The following CACNA2D3 variants were observed in gnomAD, a reference collection of about 807,000 sequenced individuals.
The protein encoded by CACNA2D3 is voltage-dependent calcium channel subunit alpha-2/delta-3.
Under a neutral mutation model 160.6 loss-of-function variants are expected in CACNA2D3, and 60 were observed. That is an observed-to-expected ratio of 0.37 (90% CI 0.30 to 0.46). CACNA2D3 has a LOEUF of 0.46. Ranked by LOEUF, CACNA2D3 falls within the 20% of genes least tolerant of loss-of-function variation. The pLI is 1.00. For missense variants in CACNA2D3, 1,205 were observed against 1,365.0 expected (o/e 0.88, Z 1.85); for synonymous variants, 558 against 492.9 (o/e 1.13, Z -1.75).
chr3:55,006,298 A>T (rs1703092027), intron 32 of CACNA2D3, among the ~76,000 whole-genome samples: 1 of 152,166 alleles, frequency 6.6e-6, no homozygotes, highest in South Asian at 2.1e-4. Flanking sequence ...GGAATGCCTG[A>T]GTGCCTTCCC....
chr3:54,789,892 G>T (rs1702715609), intron 13 of CACNA2D3: 1 of 516,536 alleles, frequency 1.9e-6, no homozygotes, highest in Non-Finnish European at 3.9e-6. Context: ...GACACAGGCT[G>T]TTTCAGGGGT....
chr3:54,811,506 T>A lies in CACNA2D3; in HGVS notation c.1381-5347T>A, dbSNP rs1220211927. On this transcript the variant is annotated intron_variant, in intron 13 of 37. Coordinates refer to ENST00000474759, the MANE Select transcript of CACNA2D3 (RefSeq NM_018398.3). ...TTTTTTTTTTTTTTTTTTTTTTTTT[T>A]TTTTTTTTTGAGACAGCATCTCACT... Among the ~76,000 whole-genome samples, 56 of 57,176 alleles carry A rather than the reference T, an allele frequency of 9.8e-4. 5 individuals carry two copies. Among genetic ancestry groups the A allele is most frequent in the Admixed American group, 3.0e-3 (14 of 4,688 alleles). The allele number at this position is 57,176 out of a possible 152,430, so 37.5% of individuals were successfully genotyped here. A position where few individuals can be genotyped will look rare whatever the true frequency, so the allele number is the denominator to read the frequency against.
At chr3:54,768,391 G>C (rs1702259712) in intron 13 of CACNA2D3, among the ~76,000 whole-genome samples, 1 of 152,198 alleles carries the variant, frequency 6.6e-6, no homozygotes, top group Admixed American at 6.5e-5. Context: ...TCATGAAGCA[G>C]ATACAGCTTT....
chr3:55,064,476 G>A (rs1265696130), intron 35 of CACNA2D3, among the ~76,000 whole-genome samples: 1 of 152,112 alleles, frequency 6.6e-6, no homozygotes, highest in East Asian at 1.9e-4. Flanking sequence ...AACACCCTGG[G>A]GAGATGGAGG....
rs371787328 is a variant in CACNA2D3, at chr3:54,537,610, A to G, written c.545-25190A>G. 3.9e-5 allele frequency among the ~76,000 whole-genome samples: 6 copies of G among 152,176 alleles called. No homozygotes were observed. The East Asian group carries it at 1.2e-3, about 30-fold the overall frequency. ...CACCATTTCTACTGAGTTATCCCTGATACTCAGGTCACAGTGGGAAGAAGA... is the reference window on the plus strand; with the variant it reads ...CACCATTTCTACTGAGTTATCCCTGGTACTCAGGTCACAGTGGGAAGAAGA... On this transcript the variant is annotated intron_variant, in intron 5 of 37. Transcript: ENST00000474759.
At chr3:54,522,973 C>T (rs905327208) in intron 5 of CACNA2D3, among the ~76,000 whole-genome samples, 4 of 151,832 alleles carry the variant, frequency 2.6e-5, no homozygotes, top group African/African-American at 9.7e-5. Flanking sequence ...TACTTACTTA[C>T]TGACCAACCT....
At chr3:54,528,234 A>C (rs1301719016) in intron 5 of CACNA2D3, among the ~76,000 whole-genome samples, 1 of 151,006 alleles carries the variant, frequency 6.6e-6, no homozygotes, top group Non-Finnish European at 1.5e-5. Context: ...GATACTTAAC[A>C]GTTTGCAATA....
At chr3:54,330,396 ATG>A (rs1187040357) in intron 3 of CACNA2D3, among the ~76,000 whole-genome samples, 28 of 152,136 alleles carry the variant, frequency 1.8e-4, no homozygotes, top group African/African-American at 6.3e-4. Flanking sequence ...CCCGTGATGG[ATG>A]TCAGAAAGCA....
At chr3:54,277,369 A>G (rs1002767206) in intron 2 of CACNA2D3, among the ~76,000 whole-genome samples, 1 of 152,172 alleles carries the variant, frequency 6.6e-6, no homozygotes, top group Non-Finnish European at 1.5e-5. Flanking sequence ...TCCCAACACC[A>G]TTTATTAAAT....
intron 13 of CACNA2D3, among the ~76,000 whole-genome samples, chr3:54,804,349 G>A (rs1218796534): frequency 1.3e-5 from 2 of 151,940 alleles, no homozygotes. Context: ...CAAAATAAAA[G>A]GATGGAGGAA....
chr3:54,234,713 A>G (rs1191532808), intron 2 of CACNA2D3, among the ~76,000 whole-genome samples: 2 of 152,226 alleles, frequency 1.3e-5, no homozygotes, highest in African/African-American at 4.8e-5. Context: ...TTGCAGGAAC[A>G]TGAGTGGAGC....
intron 11 of CACNA2D3, among the ~76,000 whole-genome samples, chr3:54,723,079 A>G (rs1701202753): frequency 6.6e-6 from 1 of 152,186 alleles, no homozygotes; most frequent in Non-Finnish European, 1.5e-5. Flanking sequence ...CCTTTTTTTC[A>G]GAGATGCCCT....
At chr3:54,926,296 A>G (rs1320453552) in intron 27 of CACNA2D3, among the ~76,000 whole-genome samples, 1 of 152,194 alleles carries the variant, frequency 6.6e-6, no homozygotes, top group African/African-American at 2.4e-5. Context: ...TTCCATTATT[A>G]TCCCCATTTG....
intron 12 of CACNA2D3, among the ~76,000 whole-genome samples, chr3:54,763,027 G>C (rs1168417175): frequency 2.7e-5 from 4 of 148,918 alleles, no homozygotes; most frequent in Admixed American, 6.9e-5. Context: ...GGCGGAGCTT[G>C]CAGTGAGCAG....
At chr3:54,771,309 T>A (rs1702317014) in intron 13 of CACNA2D3, among the ~76,000 whole-genome samples, 1 of 152,198 alleles carries the variant, frequency 6.6e-6, no homozygotes, top group Non-Finnish European at 1.5e-5. Context: ...CAGCACAGAC[T>A]TAGTGGCTTT....
chr3:54,963,375 C>T (rs73845236), intron 27 of CACNA2D3, among the ~76,000 whole-genome samples: 2 of 152,232 alleles, frequency 1.3e-5, no homozygotes, highest in South Asian at 2.1e-4. Context: ...CACTGGTCAT[C>T]GTCCAGTAGA....
At chr3:54,522,287 A>G (rs1370461647) in intron 5 of CACNA2D3, among the ~76,000 whole-genome samples, 1 of 152,052 alleles carries the variant, frequency 6.6e-6, no homozygotes, top group Non-Finnish European at 1.5e-5. Flanking sequence ...TATTCTTTTT[A>G]ATGATATTAT....
At chr3:54,245,176 G>A (rs992787274) in intron 2 of CACNA2D3, among the ~76,000 whole-genome samples, 2 of 152,016 alleles carry the variant, frequency 1.3e-5, no homozygotes, top group Non-Finnish European at 2.9e-5. Flanking sequence ...TAGCCTACAA[G>A]TATTAATAGC....
At position 54,355,476 on chromosome 3, in the gene CACNA2D3, C is replaced by G. The variant is rs1575412363; in HGVS notation, c.322-31239C>G. ...CAGTAGAGATGGAGAGAGGTATGGT[C>G]AGGATATATTTGAAGTTAGAGTCAT... is the stretch of plus-strand genomic sequence containing the variant. On this transcript the variant is annotated intron_variant, in intron 3 of 37. Transcript: ENST00000474759. 2.0e-5 allele frequency among the ~76,000 whole-genome samples: 3 copies of G among 151,904 alleles called. No homozygotes were observed. In the East Asian group the frequency reaches 5.8e-4, roughly 29 times the overall value.
Sources: allele counts gnomAD v4.1 joint callset (sites outside exome capture counted in the v4.1 genomes callset), GRCh38; gene constraint gnomAD v4.1.1; transcripts MANE v1.5; gene names NCBI Gene and HGNC (gene_info 2026-07-23, HGNC 2026-07-21).